Variants in SHISA9 observed in about 807,000 individuals in gnomAD.
The protein encoded by SHISA9 is shisa family member 9, also known as protein shisa-9.
Under a neutral mutation model 38.0 loss-of-function variants are expected in SHISA9, and 13 were observed. The observed-to-expected ratio is 0.34, with a 90% CI of 0.22 to 0.54. The LOEUF is 0.54. SHISA9 is among the 20% of genes least tolerant of loss of function. SHISA9 has a pLI of 0.91. For synonymous variants in SHISA9, 275 were observed against 242.0 expected (o/e 1.14, Z -1.27); for missense variants, 538 against 575.8 (o/e 0.93, Z 0.67).
At chr16:12,970,355 A>G (rs1295231524) in intron 2 of SHISA9, among the ~76,000 whole-genome samples, 973 of 53,946 alleles carry the variant, frequency 0.018, 42 homozygotes, top group African/African-American at 0.049. Flanking sequence ...ATATATGTGT[A>G]TATATATATA....
At chr16:13,311,053 A>G in the SHISA9 span, among the ~76,000 whole-genome samples, 115 of 152,254 alleles carry the variant, frequency 7.6e-4, no homozygotes, top group African/African-American at 2.5e-3. Flanking sequence ...GGTTGTAAGC[A>G]GGAGTCCATG....
At chr16:13,447,178 C>T in the SHISA9 span, among the ~76,000 whole-genome samples, 2 of 152,280 alleles carry the variant, frequency 1.3e-5, no homozygotes, top group East Asian at 3.9e-4. Context: ...AAGCTGAAGA[C>T]ACCACCCTGT....
At chr16:13,246,475 G>C in the SHISA9 span, 12 of 152,176 alleles carry the variant, frequency 7.9e-5, no homozygotes, top group African/African-American at 2.4e-4. Flanking sequence ...GACTAAAACA[G>C]TCTTTCTCAT....
chr16:13,427,860 T>C, the SHISA9 span, among the ~76,000 whole-genome samples: 2 of 152,104 alleles, frequency 1.3e-5, no homozygotes, highest in Non-Finnish European at 2.9e-5. Context: ...CAATAATGGG[T>C]CAAAAGCCTT....
At chr16:13,333,594 C>G in the SHISA9 span, among the ~76,000 whole-genome samples, 1 of 152,052 alleles carries the variant, frequency 6.6e-6, no homozygotes, top group African/African-American at 2.4e-5. Flanking sequence ...ATCATGTTTT[C>G]GAAGGGATAA....
chr16:12,997,488 C>A (rs1271395835), intron 2 of SHISA9, among the ~76,000 whole-genome samples: 2 of 150,052 alleles, frequency 1.3e-5, no homozygotes, highest in Non-Finnish European at 3.0e-5. Context: ...GTCACTGCAA[C>A]CTCCATCTCC....
the SHISA9 span, among the ~76,000 whole-genome samples, chr16:13,350,012 A>C: frequency 2.6e-5 from 4 of 152,292 alleles, no homozygotes; most frequent in East Asian, 7.7e-4. Flanking sequence ...CTAAGGTATT[A>C]TTTCTGGGTG....
the SHISA9 span, among the ~76,000 whole-genome samples, chr16:13,311,260 A>G: frequency 6.6e-6 from 1 of 151,976 alleles, no homozygotes; most frequent in Non-Finnish European, 1.5e-5. Context: ...TGTATCTCGT[A>G]TATATGTGTT....
At chr16:13,561,952 CA>C in the SHISA9 span, among the ~76,000 whole-genome samples, 1 of 152,052 alleles carries the variant, frequency 6.6e-6, no homozygotes, top group Non-Finnish European at 1.5e-5. Context: ...GGAGTGGATC[CA>C]GGGGCATCAT....
At chr16:13,224,286 C>A (rs2051257684) in intron 4 of SHISA9, among the ~76,000 whole-genome samples, 1 of 152,172 alleles carries the variant, frequency 6.6e-6, no homozygotes, top group Non-Finnish European at 1.5e-5. Context: ...TACCTCCCTT[C>A]CCCCGAGCTA....
In SHISA9 at chr16:13,161,394, C is replaced by T. The variant is rs116351009; in HGVS notation, c.692-42000C>T. On this transcript the variant is annotated intron_variant, in intron 2 of 4. Transcript: ENST00000558583. The stretch of plus-strand genomic sequence containing the variant: ...CCTAACACGTCCTCACTCATCTGTC[C>T]TGTTTCTGAGCAACTTCTCTGAACC... Among the ~76,000 whole-genome samples, 674 of 152,282 alleles carry T rather than the reference C, an allele frequency of 4.4e-3. 7 individuals carry two copies. The highest frequency in any genetic ancestry group is 0.015 in the African/African-American group (626 of 41,564).
the SHISA9 span, among the ~76,000 whole-genome samples, chr16:13,367,894 T>C: frequency 6.6e-6 from 1 of 151,762 alleles, no homozygotes; most frequent in Admixed American, 6.6e-5. Flanking sequence ...TTCTTTTATT[T>C]TTTAATTTTA....
chr16:13,162,062 A>T (rs2050599523), intron 2 of SHISA9, among the ~76,000 whole-genome samples: 2 of 152,324 alleles, frequency 1.3e-5, no homozygotes, highest in East Asian at 1.9e-4. Flanking sequence ...GTAATGGCAG[A>T]GGTGGACCTA....
chr16:12,974,904 C>T (rs939383472), intron 2 of SHISA9, among the ~76,000 whole-genome samples: 1 of 152,128 alleles, frequency 6.6e-6, no homozygotes, highest in Non-Finnish European at 1.5e-5. Flanking sequence ...TCTATCACAT[C>T]CATATCTGTA....
intron 2 of SHISA9, among the ~76,000 whole-genome samples, chr16:13,002,578 G>T (rs1294298243): frequency 6.7e-6 from 1 of 148,196 alleles, no homozygotes; most frequent in Non-Finnish European, 1.5e-5. Context: ...TGTTGCCCAG[G>T]CTTCAGTGCA....
chr16:13,256,179 C>A, the SHISA9 span, among the ~76,000 whole-genome samples: 1 of 152,218 alleles, frequency 6.6e-6, no homozygotes, highest in African/African-American at 2.4e-5. Flanking sequence ...CTTTAAGACG[C>A]AGATCAGATT....
At chr16:13,409,858 C>A in the SHISA9 span, among the ~76,000 whole-genome samples, 7 of 152,166 alleles carry the variant, frequency 4.6e-5, no homozygotes, top group Admixed American at 3.3e-4. Flanking sequence ...CTTGCTAGGG[C>A]TTCAGAAAGG....
chr16:12,953,339 C>T (rs946852282), intron 2 of SHISA9, among the ~76,000 whole-genome samples: 1 of 152,138 alleles, frequency 6.6e-6, no homozygotes, highest in Non-Finnish European at 1.5e-5. Flanking sequence ...GATTATTCTT[C>T]ATGACAATGC....
chr16:12,992,815 G>T (rs1347937084), intron 2 of SHISA9, among the ~76,000 whole-genome samples: 1 of 152,186 alleles, frequency 6.6e-6, no homozygotes, highest in African/African-American at 2.4e-5. Context: ...TACAGGGATG[G>T]TAACATTTAC....
Sources: gnomAD v4.1 joint callset for allele counts (sites outside exome capture counted in the v4.1 genomes callset) on GRCh38, gnomAD v4.1.1 for gene constraint, MANE v1.5 for transcripts, NCBI Gene and HGNC (gene_info 2026-07-23, HGNC 2026-07-21) for gene names.